ATP8A2: variants seen among roughly 807,000 people sequenced by gnomAD.
ATP8A2 encodes ATPase phospholipid transporting 8A2, also known as phospholipid-transporting ATPase IB.
Under a neutral mutation model 165.6 loss-of-function variants are expected in ATP8A2, and 100 were observed. The observed-to-expected ratio is 0.60, with a 90% CI of 0.51 to 0.71. The LOEUF is 0.71. Ranked by LOEUF, ATP8A2 falls within the 30% of genes least tolerant of loss-of-function variation. The pLI, the probability that ATP8A2 is intolerant of heterozygous loss-of-function variation, is 0.00. For synonymous variants in ATP8A2, 543 were observed against 548.8 expected (o/e 0.99, Z 0.15); for missense variants, 1,227 against 1,479.5 (o/e 0.83, Z 2.80).
At chr13:25,814,910 C>T (rs910461418) in intron 27 of ATP8A2, among the ~76,000 whole-genome samples, 4 of 152,050 alleles carry the variant, frequency 2.6e-5, no homozygotes, top group Admixed American at 2.6e-4. Flanking sequence ...GTCCCAGCTA[C>T]TCATGGGGAT....
rs2138646414 is a variant in ATP8A2, at chr13:25,837,156, C to G, written c.2755-7C>G. On this transcript the variant is annotated splice_polypyrimidine_tract_variant and splice_region_variant and intron_variant, in intron 28 of 36. Coordinates refer to ENST00000381655, the MANE Select transcript of ATP8A2 (RefSeq NM_016529.6). ...CTGCTTTTAATGGCTCATTGTTCTC[C>G]CTGCAGATTTTCACCGCTTTGCCGC... 1 of 1,613,148 alleles carries G rather than the reference C, an allele frequency of 6.2e-7. No individual in the cohort carries two copies. Among genetic ancestry groups the G allele is most frequent in the Middle Eastern group, 1.7e-4 (1 of 5,840 alleles).
chr13:25,861,238 CT>C, intron 32 of ATP8A2, among the ~76,000 whole-genome samples: 1 of 151,796 alleles, frequency 6.6e-6, no homozygotes, highest in Non-Finnish European at 1.5e-5. Flanking sequence ...ACCTTCCGGA[CT>C]TCGTTCTATG....
intron 16 of ATP8A2, among the ~76,000 whole-genome samples, chr13:25,565,385 A>G (rs546295721): frequency 3.9e-5 from 6 of 152,334 alleles, no homozygotes; most frequent in African/African-American, 1.4e-4. Flanking sequence ...ATCCATGCCA[A>G]CATCTACTGT....
chr13:25,531,272 ATATATATGTTATATATGATATATATGT>A (rs71077480), intron 4 of ATP8A2, among the ~76,000 whole-genome samples: 8,461 of 60,212 alleles, frequency 0.14, 519 homozygotes, highest in African/African-American at 0.23. Context: ...GATATATATG[ATATATATGTTATATATGATATATATGT>A]TATATATGAT....
At chr13:25,554,028 TC>T in intron 12 of ATP8A2, 108 bp downstream of exon 12, 1 of 1,239,228 alleles carries the variant, frequency 8.1e-7, no homozygotes, top group Non-Finnish European at 1.1e-6. Flanking sequence ...TACCATTAGG[TC>T]CAGGGGCTTA....
rs552469485 is a variant in ATP8A2, at chr13:25,500,949, A to T, written c.222-29050A>T. Among the ~76,000 whole-genome samples, 3 of 152,172 alleles carry T rather than the reference A, an allele frequency of 2.0e-5. No individual in the cohort carries two copies. The South Asian group carries it at 6.2e-4, about 32-fold the overall frequency. On this transcript the variant is annotated intron_variant, in intron 2 of 36. Transcript: ENST00000381655. ...AGGCATGTAAATATATTACCTGTGC[A>T]TTTTTTTATTTGTACGCCTTATGTA...
chr13:25,877,157 GTTC>G (rs1188224279), intron 33 of ATP8A2, among the ~76,000 whole-genome samples: 3 of 152,108 alleles, frequency 2.0e-5, no homozygotes, highest in Non-Finnish European at 4.4e-5. Flanking sequence ...CTTTTATGTA[GTTC>G]TTCTGACATA....
chr13:25,503,841 G>A (rs1199989398), intron 2 of ATP8A2, among the ~76,000 whole-genome samples: 2 of 152,106 alleles, frequency 1.3e-5, no homozygotes, highest in Non-Finnish European at 2.9e-5. Flanking sequence ...GGTAGGTAGA[G>A]GCATAAAGAT....
chr13:25,703,976 TCATC>T (rs1275382262), intron 25 of ATP8A2, among the ~76,000 whole-genome samples: 1 of 152,240 alleles, frequency 6.6e-6, no homozygotes, highest in Admixed American at 6.5e-5. Flanking sequence ...ATAAAAGAAT[TCATC>T]CATTTAAATG....
chr13:25,911,641 A>C (rs1954109899), intron 33 of ATP8A2, among the ~76,000 whole-genome samples: 2 of 152,328 alleles, frequency 1.3e-5, no homozygotes, highest in South Asian at 2.1e-4. Context: ...ACCTGGGCCC[A>C]ACAACTCTAG....
chr13:25,392,159 T>C (rs2033272335), intron 1 of ATP8A2, among the ~76,000 whole-genome samples: 1 of 152,242 alleles, frequency 6.6e-6, no homozygotes, highest in Non-Finnish European at 1.5e-5. Flanking sequence ...CCTGATACAC[T>C]AGTCAGAAGA....
At chr13:25,402,819 T>C (rs138089523) in intron 1 of ATP8A2, among the ~76,000 whole-genome samples, 13 of 152,286 alleles carry the variant, frequency 8.5e-5, no homozygotes, top group African/African-American at 3.1e-4. Context: ...ATGAAATACC[T>C]TAGACTAAGT....
At position 25,768,407 on chromosome 13, in the gene ATP8A2, G is replaced by A. The variant is rs183612657; in HGVS notation, c.2385-639G>A. Among the ~76,000 whole-genome samples, 69 of 152,054 alleles carry A rather than the reference G, an allele frequency of 4.5e-4. 1 individual carries two copies. Among genetic ancestry groups the A allele is most frequent in the South Asian group, 2.9e-3 (14 of 4,802 alleles). ...GGGCTGATCTTCTTGCCCCCTTTAG[G>A]GCTGTGCTTCTGCATGGCTCAACAA... On this transcript the variant is annotated intron_variant, in intron 25 of 36. Coordinates refer to ENST00000381655, the MANE Select transcript of ATP8A2 (RefSeq NM_016529.6).
At chr13:25,882,914 A>T (rs61947364) in intron 33 of ATP8A2, among the ~76,000 whole-genome samples, 11,386 of 151,512 alleles carry the variant, frequency 0.075, 609 homozygotes, top group Non-Finnish European at 0.11. Context: ...GATGATGATG[A>T]TGATGATGAT....
chr13:25,580,031 A>G, intron 22 of ATP8A2, 84 bp downstream of exon 22: 1 of 1,481,100 alleles, frequency 6.8e-7, no homozygotes, highest in Non-Finnish European at 9.3e-7. Context: ...GAATCCTTTT[A>G]CTATGTAGGG....
At chr13:25,649,732 T>G (rs2041765966) in intron 24 of ATP8A2, among the ~76,000 whole-genome samples, 1 of 152,142 alleles carries the variant, frequency 6.6e-6, no homozygotes, top group Non-Finnish European at 1.5e-5. Context: ...GTTGTTGTCC[T>G]CCATGGGCAG....
intron 27 of ATP8A2, among the ~76,000 whole-genome samples, chr13:25,812,714 C>G (rs1481150445): frequency 6.6e-6 from 1 of 151,688 alleles, no homozygotes; most frequent in African/African-American, 2.4e-5. Context: ...TATGGTAAAA[C>G]TATATGTGTC....
chr13:25,805,336 CTA>C (rs1358021417), intron 27 of ATP8A2, among the ~76,000 whole-genome samples: 2 of 151,976 alleles, frequency 1.3e-5, no homozygotes, highest in Non-Finnish European at 2.9e-5. Context: ...TGGCAAAAAT[CTA>C]TCTCTATAAA....
intron 1 of ATP8A2, among the ~76,000 whole-genome samples, chr13:25,381,914 A>G (rs1487588161): frequency 1.3e-5 from 2 of 152,186 alleles, no homozygotes; most frequent in East Asian, 3.8e-4. Flanking sequence ...CCGTCTGTGT[A>G]AACATTGTGA....
Sources: allele counts gnomAD v4.1 joint callset (sites outside exome capture counted in the v4.1 genomes callset), GRCh38; gene constraint gnomAD v4.1.1; transcripts MANE v1.5; gene names NCBI Gene and HGNC (gene_info 2026-07-23, HGNC 2026-07-21).